FOXJ3: variants seen among roughly 807,000 people sequenced by gnomAD.
The protein encoded by FOXJ3 is forkhead box J3.
FOXJ3 carries 22 observed loss-of-function variants against 76.1 expected under a neutral mutation model. That is an observed-to-expected ratio of 0.29 (90% CI 0.21 to 0.41). The LOEUF (loss-of-function observed/expected upper bound fraction) is 0.41, where lower values mean the gene tolerates loss of function less well. FOXJ3 is among the 10% of genes least tolerant of loss of function. FOXJ3 has a pLI of 1.00. For missense variants in FOXJ3, 613 were observed against 762.1 expected, an observed-to-expected ratio of 0.80 and a Z score of 2.30; for synonymous variants, 269 against 261.2, an observed-to-expected ratio of 1.03 and a Z score of -0.29.
intron 1 of FOXJ3, among the ~76,000 whole-genome samples, chr1:42,329,367 T>C (rs1167170616): frequency 6.6e-6 from 1 of 152,232 alleles, no homozygotes; most frequent in Non-Finnish European, 1.5e-5. Flanking sequence ...CAAAACACTA[T>C]GCTTTGGTTC....
At chr1:42,291,103 T>TAGACAGACAGACAGAC (rs1171995869) in intron 2 of FOXJ3, among the ~76,000 whole-genome samples, 28 of 106,224 alleles carry the variant, frequency 2.6e-4, no homozygotes, top group African/African-American at 7.5e-4. Context: ...GACAGACAGA[T>TAGACAGACAGACAGAC]AGATCCACAG....
intron 2 of FOXJ3, among the ~76,000 whole-genome samples, chr1:42,291,655 GT>G (rs1441847934): frequency 6.6e-6 from 1 of 151,792 alleles, no homozygotes; most frequent in Non-Finnish European, 1.5e-5. Flanking sequence ...AAAAATTTTT[GT>G]TTTTGTTTTT....
At chr1:42,328,319 A>C (rs1266976221) in intron 1 of FOXJ3, among the ~76,000 whole-genome samples, 1 of 152,132 alleles carries the variant, frequency 6.6e-6, no homozygotes, top group African/African-American at 2.4e-5. Flanking sequence ...ATTCCTACCC[A>C]AAGACCCAGT....
chr1:42,259,260 C>T (rs1650849183), intron 4 of FOXJ3, among the ~76,000 whole-genome samples: 1 of 152,136 alleles, frequency 6.6e-6, no homozygotes. Flanking sequence ...AAAGGGCTGA[C>T]TACCAAGTGA....
intron 4 of FOXJ3, among the ~76,000 whole-genome samples, chr1:42,228,772 CAT>C (rs768044461): frequency 1.6e-4 from 25 of 152,004 alleles, no homozygotes; most frequent in African/African-American, 2.2e-4. Context: ...TACACACACA[CAT>C]GGGGGAGGAA....
chr1:42,299,383 T>C (rs1320252684), intron 2 of FOXJ3, among the ~76,000 whole-genome samples: 1 of 148,746 alleles, frequency 6.7e-6, no homozygotes, highest in Non-Finnish European at 1.5e-5. Context: ...TTTTTTTTAC[T>C]GTTATTGGTT....
chr1:42,289,191 T>C (rs1405451505), intron 2 of FOXJ3, among the ~76,000 whole-genome samples: 1 of 151,400 alleles, frequency 6.6e-6, no homozygotes, highest in Admixed American at 6.6e-5. Context: ...ATATAGTATA[T>C]ACAATATTTA....
chr1:42,208,167 T>C (rs990603015), intron 5 of FOXJ3, among the ~76,000 whole-genome samples: 1 of 152,254 alleles, frequency 6.6e-6, no homozygotes, highest in African/African-American at 2.4e-5. Flanking sequence ...CAGTATTTCA[T>C]GTAAAGCGCT....
intron 4 of FOXJ3, among the ~76,000 whole-genome samples, chr1:42,240,697 G>A (rs530430912): frequency 6.6e-6 from 1 of 152,204 alleles, no homozygotes; most frequent in African/African-American, 2.4e-5. Context: ...CACACCACAC[G>A]TAAAAAATAA....
chr1:42,199,514 A>C (rs1259735885), intron 6 of FOXJ3, among the ~76,000 whole-genome samples: 1 of 152,218 alleles, frequency 6.6e-6, no homozygotes, highest in African/African-American at 2.4e-5. Flanking sequence ...CAAGAGAGGA[A>C]TATAACAGAT....
intron 5 of FOXJ3, among the ~76,000 whole-genome samples, chr1:42,224,852 T>C (rs1647419975): frequency 6.6e-6 from 1 of 151,976 alleles, no homozygotes; most frequent in South Asian, 2.1e-4. Flanking sequence ...TTTGGGAGGC[T>C]GAAGTGGGTG....
At chr1:42,222,022 GGGGAGGGGGAGGAGAAGGAGAAGGAGA>G (rs1557649339) in intron 5 of FOXJ3, among the ~76,000 whole-genome samples, 12 of 1,868 alleles carry the variant, frequency 6.4e-3, no homozygotes, top group East Asian at 0.017. Flanking sequence ...GAAGGAGAAG[GGGGAGGGGGAGGAGAAGGAGAAGGAGA>G]AGAAGAAGAA....
At chr1:42,251,585 T>C (rs1650053061) in intron 4 of FOXJ3, among the ~76,000 whole-genome samples, 2 of 152,292 alleles carry the variant, frequency 1.3e-5, no homozygotes, top group Middle Eastern at 3.4e-3. Flanking sequence ...TGGTTCTGTT[T>C]ATATGCTGGA....
At chr1:42,252,490 G>A (rs1650175085) in intron 4 of FOXJ3, among the ~76,000 whole-genome samples, 1 of 151,836 alleles carries the variant, frequency 6.6e-6, no homozygotes, top group Non-Finnish European at 1.5e-5. Context: ...ATTTTTTATT[G>A]CGTCTATTTG....
At chr1:42,325,380 C>A (rs781145193) in intron 1 of FOXJ3, among the ~76,000 whole-genome samples, 1 of 152,120 alleles carries the variant, frequency 6.6e-6, no homozygotes, top group East Asian at 1.9e-4. Flanking sequence ...CCTTTCTAGT[C>A]GAAAAGAAGA....
chr1:42,192,331 C>T (rs1646564691), intron 8 of FOXJ3, among the ~76,000 whole-genome samples: 1 of 152,136 alleles, frequency 6.6e-6, no homozygotes, highest in South Asian at 2.1e-4. Context: ...GCACAAATAT[C>T]TCAGTTAAGG....
chr1:42,194,710 A>AT (rs761182098), intron 8 of FOXJ3, among the ~76,000 whole-genome samples, 180 bp downstream of exon 8: 3 of 152,208 alleles, frequency 2.0e-5, no homozygotes, highest in Non-Finnish European at 4.4e-5. Context: ...TTTATCTGCC[A>AT]TTTTTGTGCT....
intron 3 of FOXJ3, among the ~76,000 whole-genome samples, chr1:42,268,319 A>G (rs1407926123): frequency 6.6e-6 from 1 of 151,530 alleles, no homozygotes; most frequent in African/African-American, 2.4e-5. Context: ...ATACTGAAAG[A>G]AAAAAAAACC....
intron 5 of FOXJ3, among the ~76,000 whole-genome samples, chr1:42,225,727 A>G (rs1346480352): frequency 6.6e-6 from 1 of 152,232 alleles, no homozygotes; most frequent in Admixed American, 6.5e-5. Flanking sequence ...GTGATGATCA[A>G]AAAGCAGTAG....
Sources: allele counts gnomAD v4.1 joint callset (sites outside exome capture counted in the v4.1 genomes callset), GRCh38; gene constraint gnomAD v4.1.1; transcripts MANE v1.5; gene names NCBI Gene and HGNC (gene_info 2026-07-23, HGNC 2026-07-21).